Variants in SHOX observed in about 807,000 individuals in gnomAD.
SHOX encodes the protein SHOX homeobox, also known as short stature homeobox protein.
SHOX carries 12 observed loss-of-function variants against 29.6 expected under a neutral mutation model. The observed-to-expected ratio is 0.41, with a 90% confidence interval of 0.26 to 0.66. The LOEUF is 0.66. Among genes scored for constraint, SHOX ranks in the 30% least tolerant of loss-of-function variants. SHOX has a pLI of 0.35. For synonymous variants in SHOX, 214 were observed against 200.6 expected, an observed-to-expected ratio of 1.07 and a Z score of -0.57; for missense variants, 499 against 437.7, an observed-to-expected ratio of 1.14 and a Z score of -1.25.
In SHOX at chrX:648,199, T is replaced by C. The variant is rs1429588016; in HGVS notation, c.*3563T>C. On this transcript the variant is annotated 3_prime_UTR_variant, in exon 5 of 5. Transcript: ENST00000686671. Reference sequence around the variant, plus strand: ...TTTCAGCCTCCCGAGTAGCTGGGATTACAGGCACCTGCCACCAGGCCTGGG... The same window carrying C: ...TTTCAGCCTCCCGAGTAGCTGGGATCACAGGCACCTGCCACCAGGCCTGGG... 1.1e-5 allele frequency among the ~76,000 whole-genome samples: 1 copy of C among 92,870 alleles called. No homozygotes were observed. Among genetic ancestry groups the C allele is most frequent in the East Asian group, 3.0e-4 (1 of 3,358 alleles). The allele number at this position is 92,870 out of a possible 152,430, so 60.9% of individuals were successfully genotyped here.
intron 1 of SHOX, chrX:631,893 C>T: frequency 2.2e-6 from 1 of 456,034 alleles, no homozygotes; most frequent in South Asian, 1.5e-5. Context: ...TATTTACGGT[C>T]ACCCAGACGC....
rs1349059142 is a variant in SHOX at position 650,674 on chromosome X, C to T, written c.*6038C>T. On this transcript the variant is annotated 3_prime_UTR_variant, in exon 5 of 5. Coordinates refer to ENST00000686671, the MANE Select transcript of SHOX (RefSeq NM_000451.4). ...TTTCCCGGGGACATAGCGAGGATGG[C>T]ACACGGCAGCCACTCCCACGACACA... Among the ~76,000 whole-genome samples, 2 of 151,400 alleles carry T rather than the reference C, an allele frequency of 1.3e-5. No individual in the cohort carries two copies. Among genetic ancestry groups the T allele is most frequent in the Non-Finnish European group, 2.9e-5 (2 of 67,904 alleles).
At chrX:634,513 T>C in intron 1 of SHOX, 105 bp from the exon 2 acceptor site, 2 of 1,242,022 alleles carry the variant, frequency 1.6e-6, no homozygotes, top group Non-Finnish European at 2.3e-6. Context: ...TCAAAGCGCA[T>C]TGGTTTTCGA....
At chrX:642,932 C>A (rs942549331) in intron 4 of SHOX, among the ~76,000 whole-genome samples, 1 of 146,114 alleles carries the variant, frequency 6.8e-6, no homozygotes. Context: ...GACCTGGTGA[C>A]CTTGGAGAGG....
At chrX:630,658 G>T (rs2052630335), upstream of SHOX, 2 of 605,216 alleles carry the variant, frequency 3.3e-6, no homozygotes, top group Admixed American at 2.9e-5. Context: ...CGGCCTGGGG[G>T]GTGGGGGAGA....
chrX:628,914 C>T (rs867007234), upstream of SHOX, among the ~76,000 whole-genome samples: 3 of 2,314 alleles, frequency 1.3e-3, no homozygotes, highest in East Asian at 4.4e-3. Context: ...TCTGTCTCTC[C>T]CTTTCTCTCT....
chrX:626,377 T>A (rs868271907), upstream of SHOX, among the ~76,000 whole-genome samples: 7 of 106,302 alleles, frequency 6.6e-5, no homozygotes, highest in African/African-American at 2.3e-4. Context: ...CTCTCTCTCT[T>A]TCTCTGTCTC....
At chrX:629,317 ATCTC>A (rs1251106956), upstream of SHOX, among the ~76,000 whole-genome samples, 1 of 72,046 alleles carries the variant, frequency 1.4e-5, no homozygotes, top group East Asian at 3.7e-4. Flanking sequence ...CTCTGTCTCC[ATCTC>A]TCTCTGTCTC....
At chrX:632,006 C>T (rs781068865) in intron 1 of SHOX, 4 of 455,954 alleles carry the variant, frequency 8.8e-6, no homozygotes. Flanking sequence ...CGGGAAGGCC[C>T]CGGGTCAGCT....
At position 634,846 on chromosome X, in the gene SHOX, G is replaced by A. The variant is rs1203650090; in HGVS notation, c.486+20G>A. 2.6e-6 allele frequency: 4 copies of A among 1,549,568 alleles called. No individual in the cohort carries two copies. Among genetic ancestry groups the A allele is most frequent in the East Asian group, 2.4e-5 (1 of 41,068 alleles). On this transcript the variant is annotated intron_variant, in intron 2 of 4. Transcript: ENST00000686671. ...GTGCAGGTAGGAACCCGGGGGCGGG[G>A]GCGGGGGGCCCGGAGCCATCGCCTG... is the stretch of plus-strand genomic sequence containing the variant.
rs1450671659 is a variant in SHOX, at chrX:650,791, TTAAAAAAAAAA to T, written c.*6156_*6166del. The stretch of plus-strand genomic sequence containing the variant: ...AGGCTTTCGGTGGACACGTTTGACA[TTAAAAAAAAAA>T]AAAAAAAAAAAAAAAAACTGGTGCC... On this transcript the variant is annotated 3_prime_UTR_variant, in exon 5 of 5. Coordinates refer to ENST00000686671, the MANE Select transcript of SHOX (RefSeq NM_000451.4). 2.7e-4 allele frequency among the ~76,000 whole-genome samples: 8 copies of T among 29,878 alleles called. No homozygotes were observed. The highest frequency in any genetic ancestry group is 9.5e-4 in the African/African-American group (8 of 8,428). The allele number at this position is 29,878 out of a possible 152,430, so 19.6% of individuals were successfully genotyped here. A position where few individuals can be genotyped will look rare whatever the true frequency, so the allele number is the denominator to read the frequency against.
rs751858866 is a variant in SHOX at position 634,815 on chromosome X, G to A, written c.475G>A (p.Ala159Thr). 3.8e-6 allele frequency: 6 copies of A among 1,572,042 alleles called. No individual in the cohort carries two copies. The South Asian group carries it at 6.9e-5, about 18-fold the overall frequency. ...ELSQRLGLSE[A>T]RVQVWFQNRR... The stretch of plus-strand genomic sequence containing the variant: ...CAGCCAGCGCCTGGGGCTCTCCGAG[G>A]CGCGCGTGCAGGTAGGAACCCGGGG... Residue 159 changes from alanine to threonine, a missense_variant, in exon 2 of 5, where the codon GCG becomes ACG. Physicochemically the swap from Ala to Thr is moderately conservative, Grantham distance 58 (BLOSUM62 0). Transcript: ENST00000686671.
chrX:658,164 G>A (rs778755672), intron 5 of SHOX, among the ~76,000 whole-genome samples: 33 of 152,136 alleles, frequency 2.2e-4, no homozygotes, highest in South Asian at 2.1e-3. Flanking sequence ...CAGTAGAGAT[G>A]AGGTTTTACC....
At chrX:627,262 G>A (rs769291105), upstream of SHOX, among the ~76,000 whole-genome samples, 161 of 152,264 alleles carry the variant, frequency 1.1e-3, no homozygotes, top group Middle Eastern at 0.01. Flanking sequence ...CTCGGACAGC[G>A]TCTTGAATTG....
chrX:634,906 T>A, intron 2 of SHOX, 80 bp downstream of exon 2: 1 of 1,431,964 alleles, frequency 7.0e-7, no homozygotes, highest in South Asian at 1.3e-5. Flanking sequence ...TACAGCCACC[T>A]GCGCCCGGGC....
Position 648,519 on chromosome X carries a change from G to A in SHOX, c.*3883G>A, listed in dbSNP as rs28634395. ...GCTGGGATTACAGGCGTGAGCCACC[G>A]CACCTGGCCTGAATCTGAACTTTTA... On this transcript the variant is annotated 3_prime_UTR_variant, in exon 5 of 5. Coordinates refer to ENST00000686671, the MANE Select transcript of SHOX (RefSeq NM_000451.4). 0.34 allele frequency among the ~76,000 whole-genome samples: 52,300 copies of A among 152,036 alleles called. 9,156 individuals carry two copies. The highest frequency in any genetic ancestry group is 0.41 in the Middle Eastern group (121 of 294).
chrX:645,997 A>C lies in SHOX; in HGVS notation c.*1361A>C, dbSNP rs766776146. 5 of 152,268 alleles carry C rather than the reference A, an allele frequency of 3.3e-5. No homozygotes were observed. The East Asian group carries it at 9.7e-4, about 29-fold the overall frequency. 9.4% of individuals were successfully genotyped at this position (152,268 alleles called of 1,614,324 possible). ...CTGCCACCTCCGCCTCCCGGGTTCAAGCGATGCTCCTGCCTCAGCCTCCCG... is the reference window on the plus strand; with the variant it reads ...CTGCCACCTCCGCCTCCCGGGTTCACGCGATGCTCCTGCCTCAGCCTCCCG... On this transcript the variant is annotated 3_prime_UTR_variant, in exon 5 of 5. Coordinates refer to ENST00000686671, the MANE Select transcript of SHOX (RefSeq NM_000451.4).
chrX:624,991 T>G (rs1415622071), intron 1 of SHOX, among the ~76,000 whole-genome samples: 1 of 150,116 alleles, frequency 6.7e-6, no homozygotes, highest in Non-Finnish European at 1.5e-5. Context: ...TCCAGAAAGC[T>G]TTTTCCTTCC....
upstream of SHOX, among the ~76,000 whole-genome samples, chrX:626,545 TC>T (rs1387072770): frequency 9.7e-3 from 327 of 33,716 alleles, 53 homozygotes; most frequent in Middle Eastern, 0.018. Flanking sequence ...TACCTCTGTC[TC>T]TCTCTCTCCT....
Sources: allele counts gnomAD v4.1 joint callset (sites outside exome capture counted in the v4.1 genomes callset), GRCh38; gene constraint gnomAD v4.1.1; transcripts MANE v1.5; gene names NCBI Gene and HGNC (gene_info 2026-07-23, HGNC 2026-07-21).